Variants in COL19A1 observed in about 807,000 individuals in gnomAD.
COL19A1 encodes the protein collagen type XIX alpha 1 chain, also known as collagen alpha-1(XIX) chain.
In COL19A1, 159 loss-of-function variants were observed where a neutral mutation model predicts 190.2. The ratio of observed to expected loss-of-function variants is 0.84; its 90% CI spans 0.73 to 0.95. The LOEUF (loss-of-function observed/expected upper bound fraction) is 0.95, where lower values mean the gene tolerates loss of function less well. Among genes scored for constraint, COL19A1 ranks in the 40% least tolerant of loss-of-function variants. The probability of loss-of-function intolerance (pLI) is 0.00; values close to 1 mark genes in which losing one functional copy is unlikely to be tolerated. For synonymous variants in COL19A1, 509 were observed against 458.9 expected (o/e 1.11, Z -1.39); for missense variants, 1,418 against 1,431.9 (o/e 0.99, Z 0.16).
chr6:70,158,474 T>A (rs1027771598), intron 34 of COL19A1, among the ~76,000 whole-genome samples: 1 of 152,096 alleles, frequency 6.6e-6, no homozygotes, highest in African/African-American at 2.4e-5. Flanking sequence ...GTCTTTCATC[T>A]GTTTGGAAAA....
intron 6 of COL19A1, among the ~76,000 whole-genome samples, chr6:69,930,222 C>T (rs1383100045): frequency 6.6e-6 from 1 of 151,964 alleles, no homozygotes; most frequent in Non-Finnish European, 1.5e-5. Flanking sequence ...ATTAGTAGGT[C>T]ATTTGAAAGA....
chr6:70,045,040 C>T (rs922881720), intron 14 of COL19A1, among the ~76,000 whole-genome samples: 3 of 152,020 alleles, frequency 2.0e-5, no homozygotes, highest in Non-Finnish European at 4.4e-5. Flanking sequence ...TTTCCAGGCA[C>T]GGTGGCTCAC....
intron 48 of COL19A1, among the ~76,000 whole-genome samples, chr6:70,195,012 C>G (rs1767101434): frequency 6.6e-6 from 1 of 150,472 alleles, no homozygotes; most frequent in Non-Finnish European, 1.5e-5. Flanking sequence ...TATGTATGAT[C>G]CTATTTTCTT....
At chr6:69,963,008 T>C in intron 11 of COL19A1, 138 bp downstream of exon 11, 1 of 539,466 alleles carries the variant, frequency 1.9e-6, no homozygotes, top group Non-Finnish European at 3.1e-6. Flanking sequence ...AACATTTGCT[T>C]CCATTGAGGT....
At chr6:69,976,706 A>G (rs1002789753) in intron 11 of COL19A1, among the ~76,000 whole-genome samples, 1 of 152,224 alleles carries the variant, frequency 6.6e-6, no homozygotes, top group Non-Finnish European at 1.5e-5. Flanking sequence ...TGTTTAAGGA[A>G]CCACATGGAG....
At chr6:70,116,055 A>C (rs1784563612) in intron 16 of COL19A1, among the ~76,000 whole-genome samples, 1 of 152,122 alleles carries the variant, frequency 6.6e-6, no homozygotes, top group Non-Finnish European at 1.5e-5. Flanking sequence ...AATATTTTCT[A>C]TCTAAAGAAC....
At chr6:70,024,127 T>C (rs1056282725) in intron 12 of COL19A1, among the ~76,000 whole-genome samples, 16 of 152,060 alleles carry the variant, frequency 1.1e-4, no homozygotes, top group African/African-American at 3.9e-4. Flanking sequence ...CTCCCCTCCA[T>C]GGCACCAGTT....
chr6:70,072,388 G>A (rs1217466846), intron 15 of COL19A1, among the ~76,000 whole-genome samples: 1 of 152,250 alleles, frequency 6.6e-6, no homozygotes, highest in Non-Finnish European at 1.5e-5. Flanking sequence ...TCTGAAAAAA[G>A]ACATTTACTG....
chr6:69,981,730 G>A (rs915058320), intron 11 of COL19A1, among the ~76,000 whole-genome samples: 2 of 151,648 alleles, frequency 1.3e-5, no homozygotes, highest in African/African-American at 2.4e-5. Flanking sequence ...ATTTATAAAT[G>A]TTATATTCAT....
Position 70,144,194 on chromosome 6 carries a change from A to G in COL19A1, c.1627-16A>G, listed in dbSNP as rs1554215579. 1 of 1,608,948 alleles carries G rather than the reference A, an allele frequency of 6.2e-7. No homozygotes were observed. Among genetic ancestry groups the G allele is most frequent in the South Asian group, 1.1e-5 (1 of 90,822 alleles). On this transcript the variant is annotated splice_polypyrimidine_tract_variant and intron_variant, in intron 23 of 50. Transcript: ENST00000620364. ...ATGTTCTCATTACTCTTTCCTATTA[A>G]CTCTGAGTTTTCTAGGGATTGCCAG...
At chr6:69,966,220 T>A (rs1775090735) in intron 11 of COL19A1, among the ~76,000 whole-genome samples, 1 of 151,956 alleles carries the variant, frequency 6.6e-6, no homozygotes, top group Non-Finnish European at 1.5e-5. Context: ...GGCCGCCCCG[T>A]CTGGGAAGTG....
chr6:69,930,549 T>C (rs1255540433), intron 6 of COL19A1, among the ~76,000 whole-genome samples: 1 of 152,148 alleles, frequency 6.6e-6, no homozygotes, highest in African/African-American at 2.4e-5. Flanking sequence ...CTAGGCGCAG[T>C]GGCTCATGCC....
At chr6:69,871,621 T>C (rs1286332463) in intron 1 of COL19A1, among the ~76,000 whole-genome samples, 2 of 152,212 alleles carry the variant, frequency 1.3e-5, no homozygotes, top group African/African-American at 4.8e-5. Context: ...TATTATTTTC[T>C]ATTTTGGTGT....
At position 70,206,933 on chromosome 6, in the gene COL19A1, C is replaced by G. The variant is rs1767905257; in HGVS notation, c.3256C>G (p.Pro1086Ala). The stretch of plus-strand genomic sequence containing the variant: ...AGGACAGAAGGGAGAAAGAGGTGAA[C>G]CTGGAATTGGGCTGCCAGGGAGTCC... ...YRGQKGERGE[P>A]GIGLPGSPGL... Residue 1086 changes from proline (P) to alanine (A), a missense_variant, in exon 50 of 51, where the codon CCT becomes GCT. By Grantham distance (27) the Pro-to-Ala change is conservative. Coordinates refer to ENST00000620364, the MANE Select transcript of COL19A1 (RefSeq NM_001858.6). The G allele has an allele frequency of 1.2e-6, 2 of 1,613,774 alleles. No homozygotes were observed. Among genetic ancestry groups the G allele is most frequent in the East Asian group, 4.5e-5 (2 of 44,864 alleles).
chr6:69,964,575 T>C (rs1774986575), intron 11 of COL19A1, among the ~76,000 whole-genome samples: 1 of 152,180 alleles, frequency 6.6e-6, no homozygotes, highest in South Asian at 2.1e-4. Flanking sequence ...AATAAATAGA[T>C]TCTCACAGGT....
chr6:69,940,910 A>G (rs1773426463), intron 9 of COL19A1, among the ~76,000 whole-genome samples: 1 of 152,144 alleles, frequency 6.6e-6, no homozygotes, highest in South Asian at 2.1e-4. Context: ...GCACTATGTG[A>G]TCTTGCAACT....
chr6:69,993,590 C>A (rs1021238663), intron 11 of COL19A1, among the ~76,000 whole-genome samples: 1 of 151,994 alleles, frequency 6.6e-6, no homozygotes, highest in Admixed American at 6.6e-5. Context: ...TGGCCCAGGG[C>A]TTTTACTAGT....
intron 25 of COL19A1, among the ~76,000 whole-genome samples, chr6:70,146,217 C>T (rs1291511018): frequency 6.6e-6 from 1 of 152,060 alleles, no homozygotes; most frequent in Non-Finnish European, 1.5e-5. Flanking sequence ...TATTGTAAAA[C>T]AGAAAAACTA....
intron 2 of COL19A1, among the ~76,000 whole-genome samples, chr6:69,884,525 G>A (rs1354502845): frequency 1.3e-5 from 2 of 152,092 alleles, no homozygotes; most frequent in African/African-American, 4.8e-5. Context: ...AACTGAGGGT[G>A]GGAGCATAAT....
Sources: allele counts gnomAD v4.1 joint callset (sites outside exome capture counted in the v4.1 genomes callset), GRCh38; gene constraint gnomAD v4.1.1; transcripts MANE v1.5; gene names NCBI Gene and HGNC (gene_info 2026-07-23, HGNC 2026-07-21).